GLT1D1: variants seen among roughly 807,000 people sequenced by gnomAD.
The protein encoded by GLT1D1 is glycosyltransferase 1 domain-containing protein 1.
Under a neutral mutation model 28.7 loss-of-function variants are expected in GLT1D1, and 21 were observed. That is an observed-to-expected ratio of 0.73 (90% CI 0.52 to 1.05). GLT1D1 has a LOEUF of 1.05. Ranked by LOEUF, GLT1D1 falls within the 50% of genes least tolerant of loss-of-function variation. GLT1D1 has a pLI of 0.00. For synonymous variants in GLT1D1, 147 were observed against 124.8 expected, an observed-to-expected ratio of 1.18 and a Z score of -1.19; for missense variants, 343 against 330.6, an observed-to-expected ratio of 1.04 and a Z score of -0.29.
At chr12:128,866,866 C>T (rs1349864348) in intron 1 of GLT1D1, among the ~76,000 whole-genome samples, 1 of 151,766 alleles carries the variant, frequency 6.6e-6, no homozygotes, top group East Asian at 2.0e-4. Context: ...GGTCATCCAC[C>T]CAATTCGGCC....
Position 128,982,931 on chromosome 12 carries a change from G to C in GLT1D1, c.642G>C (p.Glu214Asp). Residue 214 changes from glutamate (E) to aspartate (D), a missense_variant and splice_region_variant, in exon 8 of 8, where the codon GAG becomes GAC. Physicochemically the swap from Glu to Asp is conservative, Grantham distance 45. Transcript: ENST00000281703. ...TACTTCTCCTTCCTTTTTTGCAGGA[G>C]TTTGTTCATCTGGCAAAGAGACTGG... The C allele has an allele frequency of 1.2e-6, 2 of 1,611,502 alleles. No individual in the cohort carries two copies. Among genetic ancestry groups the C allele is most frequent in the Non-Finnish European group, 1.7e-6 (2 of 1,179,202 alleles).
intron 4 of GLT1D1, among the ~76,000 whole-genome samples, chr12:128,906,435 C>T (rs186166347): frequency 6.6e-6 from 1 of 152,162 alleles, no homozygotes; most frequent in Admixed American, 6.5e-5. Context: ...ACGCTTCTAC[C>T]AGGAGAAGCA....
chr12:128,893,061 A>G (rs1340737997), intron 3 of GLT1D1, among the ~76,000 whole-genome samples: 1 of 152,102 alleles, frequency 6.6e-6, no homozygotes, highest in African/African-American at 2.4e-5. Flanking sequence ...CCTGGCCAAC[A>G]TGGGGAAACT....
intron 4 of GLT1D1, among the ~76,000 whole-genome samples, chr12:128,942,444 A>G (rs1159343019): frequency 6.6e-6 from 1 of 152,210 alleles, no homozygotes; most frequent in Non-Finnish European, 1.5e-5. Flanking sequence ...ATCAGAAGAA[A>G]AGGAAAATAA....
chr12:128,951,075 C>G (rs1876645858), intron 6 of GLT1D1, among the ~76,000 whole-genome samples: 1 of 152,180 alleles, frequency 6.6e-6, no homozygotes, highest in African/African-American at 2.4e-5. Flanking sequence ...AATTAGCTTG[C>G]TTTAGCCATC....
At chr12:128,915,086 T>G in intron 4 of GLT1D1, 97 bp downstream of exon 6, 1 of 947,346 alleles carries the variant, frequency 1.1e-6, no homozygotes, top group South Asian at 1.5e-5. Context: ...AAAAAGTGGT[T>G]GTCAGAGAGA....
At chr12:128,940,437 C>T (rs1010607584) in intron 4 of GLT1D1, among the ~76,000 whole-genome samples, 5 of 152,120 alleles carry the variant, frequency 3.3e-5, no homozygotes, top group Non-Finnish European at 5.9e-5. Context: ...CAAACTGACA[C>T]GCAGAGAGGT....
intron 4 of GLT1D1, among the ~76,000 whole-genome samples, chr12:128,912,063 G>A (rs1238355517): frequency 6.6e-6 from 1 of 152,100 alleles, no homozygotes; most frequent in African/African-American, 2.4e-5. Flanking sequence ...CTCCACGCAG[G>A]GGCGGGAGCT....
intron 6 of GLT1D1, among the ~76,000 whole-genome samples, chr12:128,951,204 A>C (rs768676281): frequency 1.3e-5 from 2 of 152,096 alleles, no homozygotes; most frequent in African/African-American, 2.4e-5. Context: ...GGAGTTCGAG[A>C]CCAGCCTGGC....
chr12:128,920,803 TA>T (rs1872593476), intron 4 of GLT1D1, among the ~76,000 whole-genome samples: 1 of 152,188 alleles, frequency 6.6e-6, no homozygotes, highest in African/African-American at 2.4e-5. Flanking sequence ...AGACATTTGT[TA>T]AGTGACGAGT....
intron 7 of GLT1D1, among the ~76,000 whole-genome samples, chr12:128,976,580 C>T (rs1321638620): frequency 6.6e-6 from 1 of 152,232 alleles, no homozygotes; most frequent in African/African-American, 2.4e-5. Flanking sequence ...AGCTTCGGGG[C>T]TGTTTAGTTT....
At chr12:128,860,597 C>G (rs1956335090) in intron 1 of GLT1D1, among the ~76,000 whole-genome samples, 1 of 152,226 alleles carries the variant, frequency 6.6e-6, no homozygotes, top group Non-Finnish European at 1.5e-5. Context: ...TCTTGCATCC[C>G]TGCCATAACC....
chr12:128,858,166 G>T (rs1351473168), intron 1 of GLT1D1, among the ~76,000 whole-genome samples: 2 of 152,172 alleles, frequency 1.3e-5, no homozygotes, highest in African/African-American at 4.8e-5. Flanking sequence ...TCCTGTCTAA[G>T]GGGTCTGGGA....
At chr12:128,940,000 G>A (rs1338688361) in intron 4 of GLT1D1, among the ~76,000 whole-genome samples, 1 of 151,626 alleles carries the variant, frequency 6.6e-6, no homozygotes, top group African/African-American at 2.4e-5. Context: ...ACATATGTGT[G>A]CATATATAAG....
rs571895993 is a variant in GLT1D1 at position 128,871,204 on chromosome 12, G to A, written c.69-4710G>A. Reference sequence around the variant, plus strand: ...AGAGCTTTACGAAGAACATAAAATAGCAATTATTCAACCATGGTCAGAAGC... The same window carrying A: ...AGAGCTTTACGAAGAACATAAAATAACAATTATTCAACCATGGTCAGAAGC... On this transcript the variant is annotated intron_variant, in intron 1 of 7. Transcript: ENST00000281703. Among the ~76,000 whole-genome samples the A allele has an allele frequency of 3.9e-5, 6 of 152,240 alleles. No homozygotes were observed. In the South Asian group the frequency reaches 1.2e-3, roughly 32 times the overall value.
At chr12:128,937,370 G>C (rs1410959048) in intron 4 of GLT1D1, among the ~76,000 whole-genome samples, 2 of 152,184 alleles carry the variant, frequency 1.3e-5, no homozygotes, top group Non-Finnish European at 2.9e-5. Flanking sequence ...GCAGGGCCCT[G>C]TGCATGGCCT....
At chr12:128,929,658 G>T (rs1403098767) in intron 4 of GLT1D1, among the ~76,000 whole-genome samples, 3 of 152,114 alleles carry the variant, frequency 2.0e-5, no homozygotes, top group Non-Finnish European at 4.4e-5. Context: ...GCCACAAAAG[G>T]TATTAAAAAT....
At chr12:128,968,290 C>T (rs539285143) in intron 7 of GLT1D1, among the ~76,000 whole-genome samples, 3 of 151,834 alleles carry the variant, frequency 2.0e-5, no homozygotes, top group Admixed American at 6.5e-5. Context: ...CCACTGCGCC[C>T]GGTCACTTAT....
intron 1 of GLT1D1, among the ~76,000 whole-genome samples, chr12:128,870,935 G>A (rs1468943850): frequency 2.0e-5 from 3 of 152,230 alleles, no homozygotes; most frequent in Admixed American, 6.5e-5. Context: ...AGGTTGCAAC[G>A]AGCTGAGATT....
Sources: gnomAD v4.1 joint callset for allele counts (sites outside exome capture counted in the v4.1 genomes callset) on GRCh38, gnomAD v4.1.1 for gene constraint, MANE v1.5 for transcripts, NCBI Gene and HGNC (gene_info 2026-07-23, HGNC 2026-07-21) for gene names.